The following COX16 variants were observed in gnomAD, a reference collection of about 807,000 sequenced individuals.
COX16 encodes cytochrome c oxidase assembly factor COX16.
Under a neutral mutation model 15.4 loss-of-function variants are expected in COX16, and 12 were observed. The observed-to-expected ratio is 0.78, with a 90% CI of 0.50 to 1.26. The LOEUF (loss-of-function observed/expected upper bound fraction) is 1.26, where lower values mean the gene tolerates loss of function less well. Ranked by LOEUF, COX16 falls within the 50% of genes most tolerant of loss-of-function variation. The pLI is 0.00. For missense variants in COX16, 124 were observed against 127.6 expected (o/e 0.97, Z 0.14); for synonymous variants, 46 against 41.1 (o/e 1.12, Z -0.46).
intron 2 of COX16, among the ~76,000 whole-genome samples, chr14:70,337,873 G>C (rs1165027337): frequency 6.6e-6 from 1 of 150,878 alleles, no homozygotes; most frequent in Non-Finnish European, 1.5e-5. Flanking sequence ...TTAGTGACTA[G>C]AAGATAACAC....
intron 2 of COX16, among the ~76,000 whole-genome samples, chr14:70,334,350 C>T (rs1886380882): frequency 6.6e-6 from 1 of 152,064 alleles, no homozygotes; most frequent in Admixed American, 6.5e-5. Context: ...TGGCAAAACC[C>T]CGTCTCTACT....
intron 3 of COX16, among the ~76,000 whole-genome samples, chr14:70,328,846 T>C (rs528175655): frequency 3.3e-5 from 5 of 151,954 alleles, no homozygotes; most frequent in South Asian, 2.1e-4. Context: ...TATGAACCCA[T>C]TGATCTTTAC....
intron 2 of COX16, among the ~76,000 whole-genome samples, chr14:70,338,145 G>A (rs1306122607): frequency 3.3e-5 from 5 of 152,236 alleles, no homozygotes; most frequent in Middle Eastern, 3.4e-3. Flanking sequence ...ACAGGGTCTC[G>A]CTCTGTCACC....
intron 1 of COX16, among the ~76,000 whole-genome samples, chr14:70,346,143 ATCTTAAACCT>A (rs1193832344): frequency 6.6e-6 from 1 of 151,944 alleles, no homozygotes; most frequent in Non-Finnish European, 1.5e-5. Context: ...ACGAACCATT[ATCTTAAACCT>A]TCGGTTCATC....
chr14:70,353,918 C>A (rs1036566757), intron 1 of COX16, among the ~76,000 whole-genome samples: 2 of 152,000 alleles, frequency 1.3e-5, no homozygotes, highest in African/African-American at 4.8e-5. Context: ...AGAATACCAA[C>A]AAAACCTTGA....
At chr14:70,349,593 T>C (rs1056455589) in intron 1 of COX16, among the ~76,000 whole-genome samples, 1 of 152,136 alleles carries the variant, frequency 6.6e-6, no homozygotes, top group Non-Finnish European at 1.5e-5. Context: ...AAAAATGAAC[T>C]CTGTCCTTAA....
chr14:70,347,533 G>A (rs142581989), intron 1 of COX16, among the ~76,000 whole-genome samples: 3,223 of 152,060 alleles, frequency 0.021, 128 homozygotes, highest in African/African-American at 0.074. Flanking sequence ...CATCTTTTTG[G>A]ACAGGCCCTT....
chr14:70,344,629 C>G (rs1886720620), intron 1 of COX16, among the ~76,000 whole-genome samples: 1 of 152,210 alleles, frequency 6.6e-6, no homozygotes, highest in Non-Finnish European at 1.5e-5. Context: ...ATTTCCCTGA[C>G]ATCTCAGAGC....
chr14:70,357,158 C>CAAAAAAAAAAAAAAA (rs4048531), intron 1 of COX16, among the ~76,000 whole-genome samples: 13 of 78,702 alleles, frequency 1.7e-4, no homozygotes, highest in African/African-American at 4.8e-4. Context: ...AAGCGTTTGT[C>CAAAAAAAAAAAAAAA]AAAAAAAAAA....
At chr14:70,351,525 T>C (rs921409258) in intron 1 of COX16, among the ~76,000 whole-genome samples, 1 of 152,230 alleles carries the variant, frequency 6.6e-6, no homozygotes, top group Non-Finnish European at 1.5e-5. Context: ...CATTCACTTC[T>C]TGATTTTCTT....
intron 1 of COX16, among the ~76,000 whole-genome samples, chr14:70,356,777 G>A (rs1887137716): frequency 6.6e-6 from 1 of 151,774 alleles, no homozygotes; most frequent in Non-Finnish European, 1.5e-5. Context: ...GAGAATATTT[G>A]TAAAAAATTG....
intron 2 of COX16, among the ~76,000 whole-genome samples, chr14:70,342,287 ATACAAAAAT>A (rs546152141): frequency 6.0e-4 from 92 of 152,260 alleles, no homozygotes; most frequent in African/African-American, 2.1e-3. Context: ...TCTACTAAAA[ATACAAAAAT>A]TAGCCGGGTG....
intron 1 of COX16, among the ~76,000 whole-genome samples, chr14:70,344,759 A>C (rs1290854564): frequency 1.3e-5 from 2 of 152,230 alleles, no homozygotes; most frequent in African/African-American, 4.8e-5. Context: ...GTGCACCAGC[A>C]AGATAGCAGA....
intron 1 of COX16, among the ~76,000 whole-genome samples, chr14:70,350,384 G>C (rs564088886): frequency 6.6e-6 from 1 of 152,082 alleles, no homozygotes; most frequent in Non-Finnish European, 1.5e-5. Flanking sequence ...GCCTCAGCCC[G>C]CCTGCACCCA....
intron 1 of COX16, among the ~76,000 whole-genome samples, chr14:70,343,240 T>C (rs1011011138): frequency 2.1e-4 from 32 of 152,214 alleles, no homozygotes; most frequent in African/African-American, 7.5e-4. Context: ...GGCAGATGCC[T>C]AGCTATAACC....
At chr14:70,338,223 C>T (rs942448713) in intron 2 of COX16, among the ~76,000 whole-genome samples, 1 of 152,204 alleles carries the variant, frequency 6.6e-6, no homozygotes, top group Non-Finnish European at 1.5e-5. Flanking sequence ...AATCAATCCT[C>T]CCAGATCAGC....
intron 2 of COX16, among the ~76,000 whole-genome samples, chr14:70,338,435 A>T (rs934095754): frequency 1.3e-5 from 2 of 152,008 alleles, no homozygotes; most frequent in African/African-American, 2.4e-5. Context: ...TTGAAAGTCA[A>T]TTTTTTCTAA....
chr14:70,345,034 G>A (rs570758261), intron 1 of COX16, among the ~76,000 whole-genome samples: 74 of 152,252 alleles, frequency 4.9e-4, no homozygotes, highest in African/African-American at 1.7e-3. Flanking sequence ...TACAAGAACC[G>A]TACATCTGGT....
chr14:70,356,609 G>A (rs1407525360), intron 1 of COX16, among the ~76,000 whole-genome samples: 1 of 152,040 alleles, frequency 6.6e-6, no homozygotes, highest in Admixed American at 6.6e-5. Flanking sequence ...GACCTCAAAG[G>A]AAACATCATA....
Sources: allele counts gnomAD v4.1 joint callset (sites outside exome capture counted in the v4.1 genomes callset), GRCh38; gene constraint gnomAD v4.1.1; transcripts MANE v1.5; gene names NCBI Gene and HGNC (gene_info 2026-07-23, HGNC 2026-07-21).